The following NRG3 variants were observed in gnomAD, a reference collection of about 807,000 sequenced individuals.
The protein encoded by NRG3 is neuregulin 3.
A neutral mutation model predicts 66.9 loss-of-function variants in NRG3; 31 were observed. The observed-to-expected ratio is 0.46, with a 90% CI of 0.35 to 0.63. The LOEUF (loss-of-function observed/expected upper bound fraction) is 0.63. Among genes scored for constraint, NRG3 ranks in the 20% least tolerant of loss-of-function variants. The probability of loss-of-function intolerance (pLI) is 0.00; values close to 1 mark genes in which losing one functional copy is unlikely to be tolerated. For missense variants in NRG3, 910 were observed against 878.9 expected (o/e 1.04, Z -0.45); for synonymous variants, 393 against 359.4 (o/e 1.09, Z -1.06).
chr10:82,655,172 C>T (rs1425470112), intron 2 of NRG3, among the ~76,000 whole-genome samples: 3 of 151,064 alleles, frequency 2.0e-5, no homozygotes, highest in African/African-American at 4.9e-5. Context: ...TGAAAGTACA[C>T]GAAGACAAAA....
At chr10:82,773,663 G>T (rs1270319057) in intron 3 of NRG3, among the ~76,000 whole-genome samples, 2 of 151,820 alleles carry the variant, frequency 1.3e-5, no homozygotes, top group African/African-American at 4.8e-5. Flanking sequence ...GATGCTTATT[G>T]TTATTATTTT....
chr10:82,002,514 A>G (rs1174859338), intron 1 of NRG3, among the ~76,000 whole-genome samples: 1 of 152,176 alleles, frequency 6.6e-6, no homozygotes, highest in Non-Finnish European at 1.5e-5. Flanking sequence ...TTTTCTAGCA[A>G]CTGTGTGCTC....
At chr10:82,398,388 C>A (rs998649482) in intron 2 of NRG3, among the ~76,000 whole-genome samples, 19 of 152,150 alleles carry the variant, frequency 1.2e-4, no homozygotes, top group African/African-American at 3.6e-4. Context: ...TAGCCTCTCC[C>A]AAATTTTAAA....
intron 1 of NRG3, among the ~76,000 whole-genome samples, chr10:82,047,864 C>A (rs940171692): frequency 3.0e-4 from 45 of 152,196 alleles, no homozygotes; most frequent in Non-Finnish European, 5.6e-4. Flanking sequence ...ATCTCACATG[C>A]AGAGACGCAC....
chr10:82,424,318 T>A (rs2089277848), intron 2 of NRG3, among the ~76,000 whole-genome samples: 1 of 152,028 alleles, frequency 6.6e-6, no homozygotes, highest in Admixed American at 6.6e-5. Flanking sequence ...GTTATTATTG[T>A]CTGCCTTTTT....
chr10:82,953,297 T>C (rs1419348333), intron 5 of NRG3, among the ~76,000 whole-genome samples: 1 of 152,004 alleles, frequency 6.6e-6, no homozygotes, highest in Non-Finnish European at 1.5e-5. Flanking sequence ...TATTTTAAAA[T>C]GTTTATTTTT....
rs928777225 is a variant in NRG3, at chr10:82,128,796, G to C, written c.824-229943G>C. 6.6e-5 allele frequency among the ~76,000 whole-genome samples: 10 copies of C among 151,922 alleles called. 1 individual carries two copies. The highest frequency in any genetic ancestry group is 2.4e-4 in the African/African-American group (10 of 41,378). On this transcript the variant is annotated intron_variant, in intron 1 of 8. Transcript: ENST00000372141. Reference sequence around the variant, plus strand: ...ATTATTTAAGGAATCTGAATAAACAGATTAGCTTTTCCACTTTGAGTTTAC... The same window carrying C: ...ATTATTTAAGGAATCTGAATAAACACATTAGCTTTTCCACTTTGAGTTTAC...
chr10:82,374,573 T>C (rs1218926912), intron 2 of NRG3, among the ~76,000 whole-genome samples: 5 of 152,206 alleles, frequency 3.3e-5, no homozygotes, highest in Admixed American at 2.6e-4. Flanking sequence ...TCTCAAACTC[T>C]AGTGAGTGTA....
chr10:82,292,432 TA>T (rs1368026503), intron 1 of NRG3, among the ~76,000 whole-genome samples: 7 of 152,128 alleles, frequency 4.6e-5, no homozygotes, highest in Non-Finnish European at 2.9e-5. Flanking sequence ...CCAATTTCTT[TA>T]AAAAAACCTA....
chr10:82,858,436 A>G (rs1055615260), intron 3 of NRG3, among the ~76,000 whole-genome samples: 16 of 152,176 alleles, frequency 1.1e-4, no homozygotes, highest in Non-Finnish European at 1.0e-4. Context: ...CGGAGCAAGA[A>G]CACACGGACC....
At chr10:82,206,041 A>C (rs1043863201) in intron 1 of NRG3, among the ~76,000 whole-genome samples, 4 of 152,130 alleles carry the variant, frequency 2.6e-5, no homozygotes, top group African/African-American at 9.7e-5. Context: ...ATGATGCTCT[A>C]CTTTTCTTCC....
rs187150133 is a variant in NRG3 at position 82,864,036 on chromosome 10, G to T, written c.1028-1375G>T. Among the ~76,000 whole-genome samples, 111 of 152,178 alleles carry T rather than the reference G, an allele frequency of 7.3e-4. 2 individuals carry two copies. In the East Asian group the frequency reaches 0.017, roughly 24 times the overall value. ...TTCTTTATGTAATTAAATGTGAACGGTTCATAAGGCAAATTGATAAGGATA... is the reference window on the plus strand; with the variant it reads ...TTCTTTATGTAATTAAATGTGAACGTTTCATAAGGCAAATTGATAAGGATA... On this transcript the variant is annotated intron_variant, in intron 3 of 8. Coordinates refer to ENST00000372141, the MANE Select transcript of NRG3 (RefSeq NM_001010848.4).
intron 6 of NRG3, among the ~76,000 whole-genome samples, chr10:82,962,266 G>A (rs948352855): frequency 3.9e-5 from 6 of 152,142 alleles, no homozygotes; most frequent in African/African-American, 1.4e-4. Flanking sequence ...AAGAGCTAAG[G>A]ATAGAATTAT....
chr10:81,996,512 T>A (rs1252166405), intron 1 of NRG3, among the ~76,000 whole-genome samples: 1 of 152,210 alleles, frequency 6.6e-6, no homozygotes, highest in Non-Finnish European at 1.5e-5. Flanking sequence ...CTGACTAGTA[T>A]AAGATATTTA....
intron 2 of NRG3, among the ~76,000 whole-genome samples, chr10:82,590,252 T>C (rs2133299480): frequency 6.6e-6 from 1 of 152,326 alleles, no homozygotes; most frequent in East Asian, 1.9e-4. Context: ...TGATCAAGAA[T>C]CTTGTAAGTA....
In NRG3 at chr10:81,876,118, T is replaced by C. The variant is rs765154940; in HGVS notation, c.778T>C (p.Ser260Pro). The C allele has an allele frequency of 6.2e-7, 1 of 1,607,572 alleles. No individual in the cohort carries two copies. The highest frequency in any genetic ancestry group is 8.5e-7 in the Non-Finnish European group (1 of 1,177,218). ...CTCCTCTTCTTCCTCTTCTTCCTCC[T>C]CCGCTACCACCACCACACCAGAAAC... is the stretch of plus-strand genomic sequence containing the variant. ...AASSSSSSSSSATTTTPETST... is the reference protein window; with the variant it reads ...AASSSSSSSSPATTTTPETST... Residue 260 changes from serine to proline, a missense_variant, in exon 1 of 9, where the codon TCC (serine) becomes CCC (proline). Coordinates refer to ENST00000372141, the MANE Select transcript of NRG3 (RefSeq NM_001010848.4).
intron 4 of NRG3, among the ~76,000 whole-genome samples, chr10:82,942,883 C>T (rs925954074): frequency 1.3e-5 from 2 of 152,102 alleles, no homozygotes; most frequent in African/African-American, 4.8e-5. Flanking sequence ...GCTTGTATTA[C>T]ATCCCTCAAA....
At chr10:82,441,698 G>T (rs1030009369) in intron 2 of NRG3, among the ~76,000 whole-genome samples, 1 of 152,068 alleles carries the variant, frequency 6.6e-6, no homozygotes, top group South Asian at 2.1e-4. Flanking sequence ...GAAAACCAAG[G>T]GTGGTGTATT....
chr10:82,095,186 A>C (rs1289008077), intron 1 of NRG3, among the ~76,000 whole-genome samples: 1 of 152,096 alleles, frequency 6.6e-6, no homozygotes, highest in Non-Finnish European at 1.5e-5. Context: ...TTCTGTAAGG[A>C]GACTGAGCTT....
Sources: allele counts gnomAD v4.1 joint callset (sites outside exome capture counted in the v4.1 genomes callset), GRCh38; gene constraint gnomAD v4.1.1; transcripts MANE v1.5; gene names NCBI Gene and HGNC (gene_info 2026-07-23, HGNC 2026-07-21).